Variants in ACACB observed in about 807,000 individuals in gnomAD.
ACACB encodes the protein acetyl-CoA carboxylase 2.
In ACACB, 209 loss-of-function variants were observed where a neutral mutation model predicts 278.8. The ratio of observed to expected loss-of-function variants is 0.75; its 90% CI spans 0.67 to 0.84. ACACB has a LOEUF of 0.84. Among genes scored for constraint, ACACB ranks in the 40% least tolerant of loss-of-function variants. The probability of loss-of-function intolerance (pLI) is 0.00; values close to 1 mark genes in which losing one functional copy is unlikely to be tolerated. For missense variants in ACACB, 2,850 were observed against 3,269.0 expected, an observed-to-expected ratio of 0.87 and a Z score of 3.13; for synonymous variants, 1,174 against 1,285.6, an observed-to-expected ratio of 0.91 and a Z score of 1.86.
At chr12:109,259,201 GC>G in intron 47 of ACACB, 93 bp downstream of exon 47, 1 of 1,448,642 alleles carries the variant, frequency 6.9e-7, no homozygotes, top group Non-Finnish European at 9.4e-7. Context: ...CCTAGTCTGT[GC>G]CCATCATCAT....
At chr12:109,143,787 T>G (rs2043176104) in intron 2 of ACACB, among the ~76,000 whole-genome samples, 1 of 152,092 alleles carries the variant, frequency 6.6e-6, no homozygotes, top group Non-Finnish European at 1.5e-5. Flanking sequence ...AGTCAAGCCT[T>G]AGACATGTGT....
chr12:109,185,459 T>A, intron 11 of ACACB, 120 bp from the exon 12 acceptor site: 1 of 1,046,942 alleles, frequency 9.6e-7, no homozygotes, highest in Admixed American at 2.2e-5. Context: ...GTCTATAGAG[T>A]AGTGTCTGTA....
intron 1 of ACACB, among the ~76,000 whole-genome samples, chr12:109,135,908 C>T (rs1269401124): frequency 1.3e-5 from 2 of 149,632 alleles, no homozygotes. Flanking sequence ...CTCCCGGGTT[C>T]ACGCCATTCT....
At chr12:109,161,209 T>C (rs1410081712) in intron 2 of ACACB, among the ~76,000 whole-genome samples, 2 of 152,162 alleles carry the variant, frequency 1.3e-5, no homozygotes, top group Non-Finnish European at 1.5e-5. Context: ...TCGCTTTTCA[T>C]TGGGAGGATC....
In ACACB at chr12:109,246,250, C is replaced by A; in HGVS notation, c.5373C>A (p.Ile1791=). ...CGGAAGGACGGGATGTGATCGTCAT[C>A]GGCAATGACATCACCTTTCGCATTG... ...EYPEGRDVIV[I]GNDITFRIGS... is the part of the protein sequence containing the mutation. The change falls in exon 39 of 53, where the codon ATC becomes ATA. Residue 1791 remains isoleucine (I), a synonymous_variant. Transcript: ENST00000338432. 1 of 1,613,574 alleles carries A rather than the reference C, an allele frequency of 6.2e-7. No individual in the cohort carries two copies. Among genetic ancestry groups the A allele is most frequent in the Non-Finnish European group, 8.5e-7 (1 of 1,179,940 alleles).
intron 28 of ACACB, among the ~76,000 whole-genome samples, chr12:109,231,565 T>C (rs2046472336): frequency 1.3e-5 from 2 of 152,068 alleles, no homozygotes; most frequent in Non-Finnish European, 2.9e-5. Flanking sequence ...CACACACCTG[T>C]GTCAGGGTCC....
intron 7 of ACACB, among the ~76,000 whole-genome samples, chr12:109,175,119 G>T (rs2044242141): frequency 6.6e-6 from 1 of 152,060 alleles, no homozygotes; most frequent in Non-Finnish European, 1.5e-5. Flanking sequence ...CTAAATTTAT[G>T]TGTGCATTTT....
intron 1 of ACACB, among the ~76,000 whole-genome samples, chr12:109,117,019 T>A (rs1163263227): frequency 2.6e-5 from 4 of 151,786 alleles, no homozygotes; most frequent in Admixed American, 2.6e-4. Context: ...GGAATAGTAT[T>A]CTGTTTCTGT....
intron 37 of ACACB, 126 bp from the exon 38 acceptor site, chr12:109,245,500 G>C: frequency 1.0e-6 from 1 of 1,004,076 alleles, no homozygotes; most frequent in South Asian, 2.3e-5. Context: ...AATATTTCAT[G>C]ATTCAAAAAG....
rs572246860 is a variant in ACACB, at chr12:109,219,094, A to AG, written c.3564+2175dup. Among the ~76,000 whole-genome samples, 714 of 152,160 alleles carry AG rather than the reference A, an allele frequency of 4.7e-3. 5 individuals carry two copies. Among genetic ancestry groups the AG allele is most frequent in the Non-Finnish European group, 8.2e-3 (560 of 67,990 alleles). Reference sequence around the variant, plus strand: ...GCAACTTTTTTTTGTAAAGGGCTCCAGATAGTAAAGATTTTAGGCTTGAGG... The same window carrying AG: ...GCAACTTTTTTTTGTAAAGGGCTCCAGGATAGTAAAGATTTTAGGCTTGAGG... On this transcript the variant is annotated intron_variant, in intron 24 of 52. Transcript: ENST00000338432.
Position 109,264,406 on chromosome 12 carries a change from T to C in ACACB, c.6942+20T>C. On this transcript the variant is annotated intron_variant, in intron 50 of 52. Coordinates refer to ENST00000338432, the MANE Select transcript of ACACB (RefSeq NM_001093.4). ...ATATCTGTGAGAGCCACAGCTGCCG[T>C]GTAGGGTGCAAAGAGCCCACCCTGT... is the stretch of plus-strand genomic sequence containing the variant. 6.2e-7 allele frequency: 1 copy of C among 1,612,900 alleles called. No homozygotes were observed. The highest frequency in any genetic ancestry group is 8.5e-7 in the Non-Finnish European group (1 of 1,179,630).
chr12:109,221,897 G>C (rs866539592), intron 24 of ACACB, among the ~76,000 whole-genome samples: 11 of 149,348 alleles, frequency 7.4e-5, no homozygotes, highest in East Asian at 3.9e-4. Flanking sequence ...TTTTTTTTGG[G>C]GGGGAGACAG....
rs557298503 is a variant in ACACB at position 109,215,052 on chromosome 12, C to T, written c.3351-1566C>T. On this transcript the variant is annotated intron_variant, in intron 22 of 52. Coordinates refer to ENST00000338432, the MANE Select transcript of ACACB (RefSeq NM_001093.4). ...CAGAGATTACAGTGAGCTGTGATTGCACCACTGCACTCCAGCCTGGGTGGC... is the reference window on the plus strand; with the variant it reads ...CAGAGATTACAGTGAGCTGTGATTGTACCACTGCACTCCAGCCTGGGTGGC... Among the ~76,000 whole-genome samples, 4 of 151,424 alleles carry T rather than the reference C, an allele frequency of 2.6e-5. No homozygotes were observed. The South Asian group carries it at 8.3e-4, about 32-fold the overall frequency.
At chr12:109,253,584 C>T in intron 43 of ACACB, among the ~76,000 whole-genome samples, 1 of 152,288 alleles carries the variant, frequency 6.6e-6, no homozygotes, top group Admixed American at 6.5e-5. Context: ...TAGCACCTAA[C>T]TCATGGTGTT....
At chr12:109,170,513 A>T (rs1169594705) in intron 4 of ACACB, among the ~76,000 whole-genome samples, 1 of 152,184 alleles carries the variant, frequency 6.6e-6, no homozygotes. Context: ...AACCTTGAGG[A>T]CGTTATGCTG....
At chr12:109,209,035 TG>T in intron 20 of ACACB, 129 bp from the exon 21 acceptor site, 1 of 1,029,492 alleles carries the variant, frequency 9.7e-7, no homozygotes, top group Middle Eastern at 3.2e-4. Context: ...CAGAGGCTGC[TG>T]GGTCTGGATC....
At chr12:109,244,717 C>T (rs541655384) in intron 37 of ACACB, among the ~76,000 whole-genome samples, 41 of 152,180 alleles carry the variant, frequency 2.7e-4, no homozygotes, top group Admixed American at 1.4e-3. Flanking sequence ...CTCAGCCTCC[C>T]GAAGTGTTTG....
At chr12:109,258,741 C>T (rs1277117516) in intron 46 of ACACB, among the ~76,000 whole-genome samples, 1 of 152,138 alleles carries the variant, frequency 6.6e-6, no homozygotes, top group Non-Finnish European at 1.5e-5. Context: ...AGCTTGGCAC[C>T]CCTCGGAGCC....
At chr12:109,266,121 G>A in intron 52 of ACACB, 115 bp from the exon 53 acceptor site, 1 of 1,333,084 alleles carries the variant, frequency 7.5e-7, no homozygotes. Context: ...GACCACAGCA[G>A]GGACTCGGGA....
Sources: gnomAD v4.1 joint callset for allele counts (sites outside exome capture counted in the v4.1 genomes callset) on GRCh38, gnomAD v4.1.1 for gene constraint, MANE v1.5 for transcripts, NCBI Gene and HGNC (gene_info 2026-07-23, HGNC 2026-07-21) for gene names.